CELF4: variants seen among roughly 807,000 people sequenced by gnomAD.
The protein encoded by CELF4 is CUG-BP- and ETR-3-like factor 4.
CELF4 carries 18 observed loss-of-function variants against 59.9 expected under a neutral mutation model. The observed-to-expected ratio is 0.30, with a 90% confidence interval of 0.21 to 0.45. The LOEUF (loss-of-function observed/expected upper bound fraction) is 0.45, where lower values mean the gene tolerates loss of function less well. Ranked by LOEUF, CELF4 falls within the 20% of genes least tolerant of loss-of-function variation. The pLI, the probability that CELF4 is intolerant of heterozygous loss-of-function variation, is 1.00. For missense variants in CELF4, 456 were observed against 689.0 expected, an observed-to-expected ratio of 0.66 and a Z score of 3.79; for synonymous variants, 261 against 267.1, an observed-to-expected ratio of 0.98 and a Z score of 0.22.
At chr18:37,380,792 A>AATCC (rs56181705) in intron 2 of CELF4, among the ~76,000 whole-genome samples, 1,831 of 134,882 alleles carry the variant, frequency 0.014, 42 homozygotes, top group African/African-American at 0.046. Context: ...TTTCTCCATG[A>AATCC]ATCCATCCAT....
At chr18:37,434,315 A>G (rs546630371) in intron 2 of CELF4, among the ~76,000 whole-genome samples, 1 of 152,292 alleles carries the variant, frequency 6.6e-6, no homozygotes, top group East Asian at 1.9e-4. Context: ...GCTCATGGAA[A>G]GCCCCGGAGG....
chr18:37,492,110 A>C (rs962017392), intron 1 of CELF4, among the ~76,000 whole-genome samples: 1 of 152,126 alleles, frequency 6.6e-6, no homozygotes, highest in African/African-American at 2.4e-5. Context: ...TGGCCCTAGA[A>C]TAGGAAGGTC....
intron 2 of CELF4, among the ~76,000 whole-genome samples, chr18:37,388,663 T>C (rs1013267294): frequency 2.0e-5 from 3 of 152,188 alleles, no homozygotes; most frequent in East Asian, 1.9e-4. Context: ...ATACGAGAAG[T>C]AGTTATTGCA....
chr18:37,258,401 C>T (rs762017354), intron 11 of CELF4, among the ~76,000 whole-genome samples: 4 of 152,140 alleles, frequency 2.6e-5, no homozygotes, highest in Non-Finnish European at 5.9e-5. Context: ...AGTTCCCTCC[C>T]TTCCTTTTTG....
At chr18:37,434,511 G>A (rs992219853) in intron 2 of CELF4, among the ~76,000 whole-genome samples, 5 of 152,256 alleles carry the variant, frequency 3.3e-5, no homozygotes, top group Admixed American at 2.0e-4. Flanking sequence ...CATTTCCCCT[G>A]CCCAACCTCC....
intron 2 of CELF4, among the ~76,000 whole-genome samples, chr18:37,484,156 T>C (rs988525871): frequency 1.2e-4 from 18 of 152,214 alleles, no homozygotes; most frequent in Admixed American, 1.2e-3. Context: ...TCTATTCCAT[T>C]TGGGTGGCTC....
At chr18:37,364,092 C>T (rs897393874) in intron 2 of CELF4, among the ~76,000 whole-genome samples, 2 of 152,208 alleles carry the variant, frequency 1.3e-5, no homozygotes, top group Non-Finnish European at 2.9e-5. Context: ...ACCTTGTCCT[C>T]AGATTCCTTT....
chr18:37,491,549 C>T (rs1258352629), intron 1 of CELF4, among the ~76,000 whole-genome samples: 1 of 151,956 alleles, frequency 6.6e-6, no homozygotes, highest in East Asian at 1.9e-4. Flanking sequence ...CAGGGGTCTG[C>T]AAGCTGGAGA....
intron 2 of CELF4, among the ~76,000 whole-genome samples, chr18:37,382,311 T>C (rs1334167924): frequency 6.6e-6 from 1 of 152,198 alleles, no homozygotes; most frequent in Non-Finnish European, 1.5e-5. Flanking sequence ...TTGAGCATGT[T>C]CTAACCACTC....
In CELF4 at chr18:37,449,808, C is replaced by T. The variant is rs58386604; in HGVS notation, c.369+35717G>A. Reference sequence around the variant, plus strand: ...CATAGGCAGAGCACATGCAAAGGCCCTGGGGCATGTGGGAACCAGACAAGA... The same window carrying T: ...CATAGGCAGAGCACATGCAAAGGCCTTGGGGCATGTGGGAACCAGACAAGA... On this transcript the variant is annotated intron_variant, in intron 2 of 12. Transcript: ENST00000420428. 6.2e-3 allele frequency among the ~76,000 whole-genome samples: 943 copies of T among 152,336 alleles called. 15 individuals are homozygous for T. Among genetic ancestry groups the T allele is most frequent in the African/African-American group, 0.022 (915 of 41,576 alleles).
chr18:37,248,347 T>C (rs1283119694), intron 12 of CELF4, among the ~76,000 whole-genome samples: 4 of 152,210 alleles, frequency 2.6e-5, no homozygotes, highest in African/African-American at 7.2e-5. Flanking sequence ...AAGTGGCCTG[T>C]GTAACCAAAC....
chr18:37,403,268 T>C (rs2099350590), intron 2 of CELF4, among the ~76,000 whole-genome samples: 1 of 152,200 alleles, frequency 6.6e-6, no homozygotes, highest in Non-Finnish European at 1.5e-5. Flanking sequence ...CTATAATTTC[T>C]TAAGCATCTG....
chr18:37,318,227 G>C (rs1041279944), intron 3 of CELF4, among the ~76,000 whole-genome samples: 2 of 151,308 alleles, frequency 1.3e-5, no homozygotes. Flanking sequence ...TGCTCCCCTC[G>C]CACCACTGTG....
intron 3 of CELF4, among the ~76,000 whole-genome samples, chr18:37,294,132 TG>T (rs1005103461): frequency 6.6e-6 from 1 of 151,828 alleles, no homozygotes; most frequent in Non-Finnish European, 1.5e-5. Flanking sequence ...CGGGTGAGGG[TG>T]GGGGCAGGCT....
chr18:37,416,774 T>C (rs1421119581), intron 2 of CELF4, among the ~76,000 whole-genome samples: 1 of 152,152 alleles, frequency 6.6e-6, no homozygotes, highest in Non-Finnish European at 1.5e-5. Context: ...CTCTCCCTCT[T>C]TGGGCTGCAC....
At chr18:37,444,984 C>T (rs2099744272) in intron 2 of CELF4, among the ~76,000 whole-genome samples, 1 of 152,176 alleles carries the variant, frequency 6.6e-6, no homozygotes, top group African/African-American at 2.4e-5. Context: ...CACAGCCTGC[C>T]AGCTTCAGGT....
chr18:37,293,101 G>A (rs1241641765), intron 3 of CELF4, among the ~76,000 whole-genome samples: 1 of 152,214 alleles, frequency 6.6e-6, no homozygotes, highest in African/African-American at 2.4e-5. Flanking sequence ...GGCCCACTGG[G>A]CTTGTGGAAA....
chr18:37,281,926 A>C (rs1428559906), intron 3 of CELF4, among the ~76,000 whole-genome samples: 18 of 152,140 alleles, frequency 1.2e-4, no homozygotes, highest in Admixed American at 1.2e-3. Flanking sequence ...GAGGACCTTC[A>C]GTAGCAAGGG....
rs569702769 is a variant in CELF4, at chr18:37,316,062, C to T, written c.448+5741G>A. Among the ~76,000 whole-genome samples, 4 of 152,248 alleles carry T rather than the reference C, an allele frequency of 2.6e-5. No individual in the cohort carries two copies. The East Asian group carries it at 7.8e-4, about 30-fold the overall frequency. ...AGTGGTCAGGGCTGCAGGGCAGCTTCCTAGGGACACCCATGGAGACTCCAT... is the reference window on the plus strand; with the variant it reads ...AGTGGTCAGGGCTGCAGGGCAGCTTTCTAGGGACACCCATGGAGACTCCAT... On this transcript the variant is annotated intron_variant, in intron 3 of 12. Coordinates refer to ENST00000420428, the MANE Select transcript of CELF4 (RefSeq NM_020180.4).
Sources: allele counts gnomAD v4.1 joint callset (sites outside exome capture counted in the v4.1 genomes callset), GRCh38; gene constraint gnomAD v4.1.1; transcripts MANE v1.5; gene names NCBI Gene and HGNC (gene_info 2026-07-23, HGNC 2026-07-21).